Variants in NYAP2 observed in about 807,000 individuals in gnomAD.
The protein encoded by NYAP2 is neuronal tyrosine-phosphorylated phosphoinositide-3-kinase adaptor 2, also known as neuronal tyrosine-phosphorylated phosphoinositide-3-kinase adapter 2.
A neutral mutation model predicts 50.4 loss-of-function variants in NYAP2; 23 were observed. The ratio of observed to expected loss-of-function variants is 0.46; its 90% confidence interval spans 0.33 to 0.65. The LOEUF is 0.65. Ranked by LOEUF, NYAP2 falls within the 30% of genes least tolerant of loss-of-function variation. The probability of loss-of-function intolerance (pLI) is 0.02; values close to 1 mark genes in which losing one functional copy is unlikely to be tolerated. For missense variants in NYAP2, 885 were observed against 861.0 expected, an observed-to-expected ratio of 1.03 and a Z score of -0.35; for synonymous variants, 394 against 365.2, an observed-to-expected ratio of 1.08 and a Z score of -0.90.
At chr2:225,555,050 T>G (rs1008039577) in intron 4 of NYAP2, among the ~76,000 whole-genome samples, 1 of 152,202 alleles carries the variant, frequency 6.6e-6, no homozygotes, top group Admixed American at 6.5e-5. Flanking sequence ...TTTTCCAGTT[T>G]TTCTTCACAG....
chr2:225,666,291 C>T, the NYAP2 span, among the ~76,000 whole-genome samples: 3 of 152,058 alleles, frequency 2.0e-5, no homozygotes, highest in Non-Finnish European at 4.4e-5. Context: ...TTGCAGTCAT[C>T]AACATTAGTA....
At chr2:225,661,728 T>C in the NYAP2 span, among the ~76,000 whole-genome samples, 1 of 148,920 alleles carries the variant, frequency 6.7e-6, no homozygotes, top group Admixed American at 6.7e-5. Flanking sequence ...TGCTCTCTCT[T>C]TTTTTTTTTT....
chr2:225,645,832 C>T (rs556888877), intron 6 of NYAP2, among the ~76,000 whole-genome samples: 9 of 152,260 alleles, frequency 5.9e-5, no homozygotes, highest in African/African-American at 9.6e-5. Context: ...TCAGCCTCAC[C>T]GTTCAAGTCT....
At chr2:225,602,670 T>C (rs1574703810) in intron 5 of NYAP2, among the ~76,000 whole-genome samples, 2 of 152,336 alleles carry the variant, frequency 1.3e-5, no homozygotes, top group East Asian at 3.9e-4. Flanking sequence ...TTCTACTCTA[T>C]TCTTTTACAT....
At position 225,620,493 on chromosome 2, in the gene NYAP2, ACACG is replaced by A. The variant is rs376166963; in HGVS notation, c.1619-6416_1619-6413del. 2.6e-3 allele frequency among the ~76,000 whole-genome samples: 389 copies of A among 151,296 alleles called. 5 individuals are homozygous for A. The highest frequency in any genetic ancestry group is 9.0e-3 in the African/African-American group (373 of 41,266). ...CACACGCACACGCACGCACGCACAC[ACACG>A]CACGCACACACACATGAAAAAACAG... On this transcript the variant is annotated intron_variant, in intron 5 of 6. Coordinates refer to ENST00000636099, the Ensembl canonical transcript of NYAP2.
At chr2:225,527,733 A>T (rs1304912947) in intron 4 of NYAP2, among the ~76,000 whole-genome samples, 1 of 152,008 alleles carries the variant, frequency 6.6e-6, no homozygotes, top group Non-Finnish European at 1.5e-5. Flanking sequence ...TTGCAGCCTC[A>T]AACTCCTGGG....
intron 3 of NYAP2, among the ~76,000 whole-genome samples, chr2:225,446,230 C>A (rs896889064): frequency 6.1e-5 from 6 of 98,726 alleles, no homozygotes; most frequent in African/African-American, 2.8e-4. Flanking sequence ...CTCTCTCTCT[C>A]TCTCTCTCTC....
chr2:225,662,777 G>C, the NYAP2 span, among the ~76,000 whole-genome samples: 1 of 152,138 alleles, frequency 6.6e-6, no homozygotes. Flanking sequence ...GAGGTTTTTC[G>C]GGAGAAACCA....
the NYAP2 span, among the ~76,000 whole-genome samples, chr2:225,676,549 G>A: frequency 3.7e-4 from 57 of 152,190 alleles, 1 homozygote; most frequent in Non-Finnish European, 6.3e-4. Context: ...GAAAGGCAAG[G>A]AGGAGCAAGT....
chr2:225,517,112 A>G (rs377035829), intron 4 of NYAP2, among the ~76,000 whole-genome samples: 100 of 152,336 alleles, frequency 6.6e-4, no homozygotes, highest in African/African-American at 2.3e-3. Context: ...TAGTGTTTAA[A>G]AATTGTAACT....
chr2:225,446,380 C>T (rs188116502), intron 3 of NYAP2, among the ~76,000 whole-genome samples: 3 of 150,508 alleles, frequency 2.0e-5, no homozygotes, highest in Non-Finnish European at 4.4e-5. Context: ...AGTACTAAAA[C>T]AAAAAATACT....
intron 3 of NYAP2, among the ~76,000 whole-genome samples, chr2:225,468,167 G>T (rs915344849): frequency 1.3e-5 from 2 of 152,164 alleles, no homozygotes; most frequent in African/African-American, 4.8e-5. Context: ...TAAAGTCTTT[G>T]TAGATGTAGT....
chr2:225,686,729 G>C, the NYAP2 span, among the ~76,000 whole-genome samples: 1 of 152,114 alleles, frequency 6.6e-6, no homozygotes, highest in South Asian at 2.1e-4. Context: ...TAAGCTATTT[G>C]GAGGTGAGAT....
At chr2:225,623,490 T>C (rs1345931308) in intron 5 of NYAP2, among the ~76,000 whole-genome samples, 4 of 150,888 alleles carry the variant, frequency 2.7e-5, no homozygotes, top group South Asian at 2.1e-4. Context: ...GGATATTTCT[T>C]TTTTTTTTAT....
chr2:225,461,526 G>T (rs1386668076), intron 3 of NYAP2, among the ~76,000 whole-genome samples: 1 of 152,214 alleles, frequency 6.6e-6, no homozygotes, highest in East Asian at 1.9e-4. Flanking sequence ...GTCTCTTTCT[G>T]TGTCTACGGA....
the NYAP2 span, among the ~76,000 whole-genome samples, chr2:225,690,942 T>C: frequency 1.3e-5 from 2 of 152,156 alleles, no homozygotes; most frequent in African/African-American, 4.8e-5. Context: ...CAAATGATCA[T>C]TTACTTAGTT....
intron 5 of NYAP2, among the ~76,000 whole-genome samples, chr2:225,595,589 A>G (rs898412787): frequency 6.6e-6 from 1 of 152,242 alleles, no homozygotes; most frequent in African/African-American, 2.4e-5. Context: ...ATGGTCAAAG[A>G]GAAGTTTTAA....
At chr2:225,432,328 G>A (rs1008084896) in intron 3 of NYAP2, among the ~76,000 whole-genome samples, 3 of 151,022 alleles carry the variant, frequency 2.0e-5, no homozygotes, top group African/African-American at 7.3e-5. Context: ...CTTGACTGTG[G>A]TGACTGATCA....
intron 3 of NYAP2, among the ~76,000 whole-genome samples, chr2:225,464,350 A>G (rs1281414064): frequency 2.0e-5 from 3 of 152,088 alleles, no homozygotes; most frequent in African/African-American, 7.2e-5. Flanking sequence ...TAAACATCCT[A>G]TGTGTCACCC....
Sources: gnomAD v4.1 joint callset for allele counts (sites outside exome capture counted in the v4.1 genomes callset) on GRCh38, gnomAD v4.1.1 for gene constraint, MANE v1.5 for transcripts, NCBI Gene and HGNC (gene_info 2026-07-23, HGNC 2026-07-21) for gene names.